Variants in TCF20 observed in about 807,000 individuals in gnomAD.
TCF20 encodes transcription factor 20.
A neutral mutation model predicts 148.6 loss-of-function variants in TCF20; 3 were observed. That is an observed-to-expected ratio of 0.02 (90% confidence interval 0.01 to 0.05). TCF20 has a LOEUF of 0.05. TCF20 is among the 10% of genes least tolerant of loss of function. TCF20 has a pLI of 1.00. For missense variants in TCF20, 2,350 were observed against 2,429.3 expected (o/e 0.97, Z 0.69); for synonymous variants, 1,049 against 909.5 (o/e 1.15, Z -2.76).
At chr22:42,223,938 T>C (rs1230163091) in intron 1 of TCF20, among the ~76,000 whole-genome samples, 6 of 152,170 alleles carry the variant, frequency 3.9e-5, no homozygotes, top group Non-Finnish European at 7.4e-5. Context: ...TAAAATGAAG[T>C]GTAATGAAGG....
In TCF20 at chr22:42,213,460, G is replaced by A. The variant is rs148999987; in HGVS notation, c.1846C>T (p.Arg616Trp). 217 of 1,614,070 alleles carry A rather than the reference G, an allele frequency of 1.3e-4. No homozygotes were observed. Among genetic ancestry groups the A allele is most frequent in the Admixed American group, 1.3e-4 (8 of 60,014 alleles). ...VIVSREAMTG[R>W]VEKPGGQDKG... ...TCTTGTCCACCAGGCTTTTCTACCC[G>A]ACCTGTCATGGCTTCCCGGGAGACA... The change falls in exon 2 of 6, where the codon CGG becomes TGG. Residue 616 changes from arginine to tryptophan, a missense_variant. Physicochemically the swap from Arg to Trp is moderately radical, Grantham distance 101. Coordinates refer to ENST00000677622, the MANE Select transcript of TCF20 (RefSeq NM_001378418.1).
intron 1 of TCF20, among the ~76,000 whole-genome samples, chr22:42,251,024 C>T (rs1321680689): frequency 6.6e-6 from 1 of 152,178 alleles, no homozygotes; most frequent in Non-Finnish European, 1.5e-5. Context: ...CATGAAAAAT[C>T]CACCCACATA....
chr22:42,341,009 G>T (rs1415056642), intron 1 of TCF20, among the ~76,000 whole-genome samples: 11 of 152,068 alleles, frequency 7.2e-5, no homozygotes, highest in African/African-American at 2.7e-4. Flanking sequence ...GGAGCTGCGG[G>T]GCGCGCAGCT....
intron 1 of TCF20, among the ~76,000 whole-genome samples, chr22:42,269,170 A>G (rs1382794867): frequency 6.6e-6 from 1 of 151,856 alleles, no homozygotes; most frequent in Admixed American, 6.6e-5. Flanking sequence ...ATGCTGTATA[A>G]AACTCTTCAC....
chr22:42,264,467 A>C (rs1055841279), intron 1 of TCF20, among the ~76,000 whole-genome samples: 13 of 152,296 alleles, frequency 8.5e-5, no homozygotes, highest in African/African-American at 3.1e-4. Context: ...AGCTCTTTTG[A>C]GCCAGGTCCC....
At chr22:42,241,936 G>A (rs775464969) in intron 1 of TCF20, among the ~76,000 whole-genome samples, 3 of 151,942 alleles carry the variant, frequency 2.0e-5, no homozygotes, top group Non-Finnish European at 4.4e-5. Context: ...CACTTGTAAT[G>A]GATGCCATTT....
chr22:42,216,067 A>T (rs948117129), intron 1 of TCF20, among the ~76,000 whole-genome samples: 1 of 135,992 alleles, frequency 7.4e-6, no homozygotes, highest in African/African-American at 3.0e-5. Flanking sequence ...GTGGGGTAAG[A>T]AAAACCAAAT....
intron 1 of TCF20, among the ~76,000 whole-genome samples, chr22:42,217,054 G>A (rs905808628): frequency 3.9e-5 from 6 of 152,232 alleles, no homozygotes; most frequent in African/African-American, 1.4e-4. Context: ...AAGGGGAGCT[G>A]AAAATGGAGT....
intron 1 of TCF20, among the ~76,000 whole-genome samples, chr22:42,295,426 C>T (rs1208403408): frequency 1.3e-5 from 2 of 151,848 alleles, no homozygotes; most frequent in Non-Finnish European, 2.9e-5. Context: ...GATGCTCCTC[C>T]CTTATGTTTT....
intron 1 of TCF20, among the ~76,000 whole-genome samples, chr22:42,305,291 G>A (rs1601700373): frequency 1.3e-5 from 2 of 152,066 alleles, no homozygotes; most frequent in Admixed American, 6.5e-5. Flanking sequence ...TATTAATGAG[G>A]ACCAGCTCCC....
Position 42,213,661 on chromosome 22 carries a change from T to C in TCF20, c.1645A>G (p.Lys549Glu). 1 of 1,614,058 alleles carries C rather than the reference T, an allele frequency of 6.2e-7. No homozygotes were observed. Among genetic ancestry groups the C allele is most frequent in the Non-Finnish European group, 8.5e-7 (1 of 1,179,964 alleles). ...GQSTSSDTTY[K>E]GGASEKAGSS... ...CCAGCTTTCTCAGAGGCTCCACCCTTGTAGGTGGTGTCAGAGCTGGTGCTC... is the reference window on the plus strand; with the variant it reads ...CCAGCTTTCTCAGAGGCTCCACCCTCGTAGGTGGTGTCAGAGCTGGTGCTC... Residue 549 changes from lysine to glutamate, a missense_variant, in exon 2 of 6, where the codon AAG (lysine) becomes GAG (glutamate). Lys to Glu is a moderately conservative substitution (Grantham distance 56, BLOSUM62 1). This residue lies in a region of TCF20 where 1,641 missense variants were observed against 1,662.6 expected (regional missense o/e 0.99). Transcript: ENST00000677622.
rs143149108 is a variant in TCF20, at chr22:42,290,941, C to T, written c.-37+52538G>A. Among the ~76,000 whole-genome samples, 2,729 of 152,252 alleles carry T rather than the reference C, an allele frequency of 0.018. 42 individuals are homozygous for T. Among genetic ancestry groups the T allele is most frequent in the South Asian group, 0.031 (149 of 4,832 alleles). On this transcript the variant is annotated intron_variant, in intron 1 of 1. Coordinates refer to the TCF20 transcript ENST00000515426. The surrounding 1 kb of genome is among the most constrained non-coding windows in gnomAD (Gnocchi z 4.2). ...TTACCTCGGTACAACCTCAGTACAA[C>T]CATGAGAGGCAGCTTGAAAATGCCC...
intron 1 of TCF20, among the ~76,000 whole-genome samples, chr22:42,236,199 C>CA (rs1396710513): frequency 2.0e-5 from 3 of 151,450 alleles, no homozygotes; most frequent in Admixed American, 6.6e-5. Context: ...AAAACAAAAA[C>CA]AAAAAAACAA....
upstream of TCF20, chr22:42,275,061 G>C (rs1420447754): frequency 6.6e-6 from 1 of 152,202 alleles, no homozygotes; most frequent in African/African-American, 2.4e-5. Flanking sequence ...GCTGGTATTT[G>C]AACCCAGGTT....
intron 1 of TCF20, among the ~76,000 whole-genome samples, chr22:42,221,488 G>A (rs1468209825): frequency 2.0e-5 from 3 of 152,164 alleles, no homozygotes; most frequent in Admixed American, 1.3e-4. Flanking sequence ...GGATTTCAGA[G>A]TAGACTATTG....
Position 42,301,421 on chromosome 22 carries a change from G to A in TCF20, c.-37+42058C>T, listed in dbSNP as rs545366617. Among the ~76,000 whole-genome samples, 21 of 152,330 alleles carry A rather than the reference G, an allele frequency of 1.4e-4. No homozygotes were observed. The South Asian group carries it at 2.5e-3, about 18-fold the overall frequency. ...ACCACAGGGTGAGGGGGCTATGGTG[G>A]GGGCTGGACTGGGTAAGGCACGTGG... On this transcript the variant is annotated intron_variant, in intron 1 of 1. Transcript: ENST00000515426.
chr22:42,303,024 G>A (rs986412793), intron 1 of TCF20, among the ~76,000 whole-genome samples: 1 of 152,162 alleles, frequency 6.6e-6, no homozygotes, highest in Non-Finnish European at 1.5e-5. Flanking sequence ...CCGCCTCCCG[G>A]GTTCAAGCAA....
At chr22:42,222,527 A>G (rs1471188769) in intron 1 of TCF20, among the ~76,000 whole-genome samples, 4 of 151,968 alleles carry the variant, frequency 2.6e-5, no homozygotes, top group Non-Finnish European at 5.9e-5. Context: ...CATCTTCCCA[A>G]CACAATTTCT....
intron 3 of TCF20, among the ~76,000 whole-genome samples, chr22:42,173,524 T>G (rs1936261912): frequency 6.6e-6 from 1 of 152,236 alleles, no homozygotes; most frequent in African/African-American, 2.4e-5. Flanking sequence ...ATGAAAATGT[T>G]AAACTGCTCT....
Sources: gnomAD v4.1 joint callset for allele counts (sites outside exome capture counted in the v4.1 genomes callset) on GRCh38, gnomAD v4.1.1 for gene constraint, gnomAD v4.1.1 regional missense constraint, Gnocchi (gnomAD v3.1) non-coding constraint, MANE v1.5 for transcripts, NCBI Gene and HGNC (gene_info 2026-07-23, HGNC 2026-07-21) for gene names.